Variants in ERVV-2 observed in about 807,000 individuals in gnomAD.
ERVV-2 encodes endogenous retrovirus group V member 2, envelope.
For synonymous variants in ERVV-2, 105 were observed against 184.6 expected, an observed-to-expected ratio of 0.57 and a Z score of 3.49; for missense variants, 291 against 495.1, an observed-to-expected ratio of 0.59 and a Z score of 3.91.
chr19:53,048,214 A>G (rs979569408), intron 1 of ERVV-2, among the ~76,000 whole-genome samples: 4 of 152,068 alleles, frequency 2.6e-5, no homozygotes, highest in Admixed American at 1.3e-4. Flanking sequence ...TCTACTAAAA[A>G]TACAAAAAAA....
chr19:53,046,254 CTCTG>C (rs1467846870), intron 1 of ERVV-2, among the ~76,000 whole-genome samples: 1 of 151,712 alleles, frequency 6.6e-6, no homozygotes, highest in Non-Finnish European at 1.5e-5. Flanking sequence ...AAGAGCGAAA[CTCTG>C]TCTGAAAAAA....
At chr19:53,046,474 C>T (rs1042308656) in intron 1 of ERVV-2, among the ~76,000 whole-genome samples, 3 of 152,114 alleles carry the variant, frequency 2.0e-5, no homozygotes, top group Admixed American at 6.6e-5. Context: ...CCTCATTAGG[C>T]CATTGTAACA....
chr19:53,045,315 G>GCA (rs1568462728), intron 1 of ERVV-2, among the ~76,000 whole-genome samples: 2 of 126,830 alleles, frequency 1.6e-5, no homozygotes, highest in Admixed American at 8.3e-5. Context: ...TTTTTTTGTG[G>GCA]GGGGGAGGAC....
intron 1 of ERVV-2, among the ~76,000 whole-genome samples, chr19:53,047,135 G>A (rs1358626092): frequency 6.6e-6 from 1 of 151,462 alleles, no homozygotes; most frequent in African/African-American, 2.4e-5. Context: ...CTCCAGCCTG[G>A]GTGACAAAGT....
intron 1 of ERVV-2, among the ~76,000 whole-genome samples, chr19:53,048,231 G>A (rs1278594423): frequency 1.4e-4 from 21 of 151,952 alleles, no homozygotes; most frequent in Admixed American, 1.3e-4. Context: ...AAAATTAGCC[G>A]GGCATGGTGG....
intron 1 of ERVV-2, among the ~76,000 whole-genome samples, chr19:53,046,437 A>G (rs1600774616): frequency 6.6e-6 from 1 of 152,098 alleles, no homozygotes; most frequent in Non-Finnish European, 1.5e-5. Flanking sequence ...AGGGTTTCCA[A>G]TGGGCCACAG....
chr19:53,047,174 C>T lies in ERVV-2; in HGVS notation c.-385-1693C>T, dbSNP rs138980832. On this transcript the variant is annotated intron_variant, in intron 1 of 1. Coordinates refer to ENST00000601417, the MANE Select transcript of ERVV-2 (RefSeq NM_001191055.2). The stretch of plus-strand genomic sequence containing the variant: ...ACTCCATGTCAAAAAAAAAAAGAAA[C>T]CCCGTCTCTACTAAAAATACAAAAA... 4.2e-4 allele frequency among the ~76,000 whole-genome samples: 63 copies of T among 148,866 alleles called. 1 individual carries two copies. The highest frequency in any genetic ancestry group is 1.5e-3 in the African/African-American group (61 of 40,500).
In ERVV-2 at chr19:53,050,538, G is replaced by A; in HGVS notation, c.1287G>A (p.Trp429Ter). 1.3e-6 allele frequency: 1 copy of A among 746,414 alleles called. No individual in the cohort carries two copies. Among genetic ancestry groups the A allele is most frequent in the Non-Finnish European group, 2.4e-6 (1 of 424,812 alleles). The allele number at this position is 746,414 out of a possible 1,614,324, so 46.2% of individuals were successfully genotyped here. The change falls in exon 2 of 2, where the codon TGG becomes TGA. Residue 429 changes from tryptophan (W) to a stop codon, truncating the protein, a stop_gained. Coordinates refer to ENST00000601417, the MANE Select transcript of ERVV-2 (RefSeq NM_001191055.2). LOFTEE classifies it low-confidence loss of function (END_TRUNC). ...DIKKIYDEATWLHDFGKGGAS... is the reference protein window; with the variant it reads ...DIKKIYDEAT ...AAAAGATCTATGATGAGGCTACGTGGCTCCATGACTTTGGAAAAGGAGGTG... is the reference window on the plus strand; with the variant it reads ...AAAAGATCTATGATGAGGCTACGTGACTCCATGACTTTGGAAAAGGAGGTG...
chr19:53,048,121 C>A (rs2083897685), intron 1 of ERVV-2, among the ~76,000 whole-genome samples: 1 of 152,148 alleles, frequency 6.6e-6, no homozygotes, highest in Non-Finnish European at 1.5e-5. Context: ...GTGGGCTGAT[C>A]ACCTGTCAGG....
chr19:53,051,007 G>A lies in ERVV-2; in HGVS notation c.*148G>A. On this transcript the variant is annotated 3_prime_UTR_variant, in exon 2 of 2. Coordinates refer to ENST00000601417, the MANE Select transcript of ERVV-2 (RefSeq NM_001191055.2). ...AAATATTAGGGTAGGCAGGTAGGCA[G>A]GCATGAGCAGGCAAGAGAGCCCTTG... 1.6e-6 allele frequency: 1 copy of A among 644,734 alleles called. No individual in the cohort carries two copies. Among genetic ancestry groups the A allele is most frequent in the African/African-American group, 2.0e-5 (1 of 49,304 alleles). The allele number at this position is 644,734 out of a possible 1,614,324, so 39.9% of individuals were successfully genotyped here.
In ERVV-2 at chr19:53,049,336, G is replaced by C. The variant is rs1045504141; in HGVS notation, c.85G>C (p.Val29Leu). The C allele has an allele frequency of 2.9e-5, 30 of 1,030,160 alleles. No individual in the cohort carries two copies. In the African/African-American group the frequency reaches 5.9e-4, roughly 20 times the overall value. 63.8% of individuals were successfully genotyped at this position (1,030,160 alleles called of 1,614,324 possible). A position where few individuals can be genotyped will look rare whatever the true frequency, so the allele number is the denominator to read the frequency against. Residue 29 changes from valine to leucine, a missense_variant, in exon 2 of 2, where the codon GTC (valine) becomes CTC (leucine). Val to Leu is a conservative substitution (Grantham distance 32). Transcript: ENST00000601417. ...GGCACAGTGGAATGAAAATTCCCTT[G>C]TCAGTTTTTCCAAAATAATTGCTTC... ...SQAQWNENSL[V>L]SFSKIIASGN...
rs1373389055 is a variant in ERVV-2, at chr19:53,050,422, C to G, written c.1171C>G (p.Leu391Val). ...VMDNRLALDYLLAEQGGVCAV... is the reference protein window; with the variant it reads ...VMDNRLALDYVLAEQGGVCAV... Reference sequence around the variant, plus strand: ...GGACAACAGATTGGCCTTAGATTACCTCTTAGCAGAGCAGGGTGGAGTCTG... The same window carrying G: ...GGACAACAGATTGGCCTTAGATTACGTCTTAGCAGAGCAGGGTGGAGTCTG... Residue 391 changes from leucine to valine, a missense_variant, in exon 2 of 2, where the codon CTC (leucine) becomes GTC (valine). Transcript: ENST00000601417. 1.3e-6 allele frequency: 1 copy of G among 745,024 alleles called. No individual in the cohort carries two copies. The allele number at this position is 745,024 out of a possible 1,614,324, so 46.2% of individuals were successfully genotyped here.
At position 53,051,582 on chromosome 19, in the gene ERVV-2, T is replaced by C. The variant is rs967693595; in HGVS notation, c.*723T>C. Among the ~76,000 whole-genome samples the C allele has an allele frequency of 5.3e-5, 8 of 152,162 alleles. No individual in the cohort carries two copies. The highest frequency in any genetic ancestry group is 1.2e-4 in the Non-Finnish European group (8 of 68,030). On this transcript the variant is annotated 3_prime_UTR_variant, in exon 2 of 2. Coordinates refer to ENST00000601417, the MANE Select transcript of ERVV-2 (RefSeq NM_001191055.2). Reference sequence around the variant, plus strand: ...GTTCTGTCTTTCTGGGTGTACTGTTTTGATGACTTTAAAAGCTCCCATAAA... The same window carrying C: ...GTTCTGTCTTTCTGGGTGTACTGTTCTGATGACTTTAAAAGCTCCCATAAA...
chr19:53,045,821 G>A (rs772694142), intron 1 of ERVV-2, among the ~76,000 whole-genome samples: 2 of 152,078 alleles, frequency 1.3e-5, no homozygotes, highest in Non-Finnish European at 1.5e-5. Context: ...GACCTGCTGC[G>A]TTTGCTTCAC....
chr19:53,048,675 CAAAAAAAAA>C (rs34725225), intron 1 of ERVV-2, among the ~76,000 whole-genome samples, 183 bp from the exon 2 acceptor site: 2 of 92,218 alleles, frequency 2.2e-5, no homozygotes, highest in Admixed American at 1.2e-4. Context: ...AATTCCATCT[CAAAAAAAAA>C]AAAAAAAAAA....
chr19:53,051,135 GCT>G lies in ERVV-2; in HGVS notation c.*277_*278del. On this transcript the variant is annotated 3_prime_UTR_variant, in exon 2 of 2. Coordinates refer to ENST00000601417, the MANE Select transcript of ERVV-2 (RefSeq NM_001191055.2). The stretch of plus-strand genomic sequence containing the variant: ...ATAACCCATCCTAGAACAGCCTTTT[GCT>G]TTTTTTTTTTTTTTTTTTTTTTTTT... 1 of 122,004 alleles carries G rather than the reference GCT, an allele frequency of 8.2e-6. No homozygotes were observed. The allele number at this position is 122,004 out of a possible 1,614,324, so 7.6% of individuals were successfully genotyped here. A position where few individuals can be genotyped will look rare whatever the true frequency, so the allele number is the denominator to read the frequency against.
rs550799060 is a variant in ERVV-2, at chr19:53,050,935, C to T, written c.*76C>T. ...GGAAGTAGTTACAGAAGACCCACGA[C>T]GTCCTTACAACCAGAGCTTTTCAGG... On this transcript the variant is annotated 3_prime_UTR_variant, in exon 2 of 2. Transcript: ENST00000601417. The T allele has an allele frequency of 2.1e-5, 29 of 1,350,564 alleles. No homozygotes were observed. The highest frequency in any genetic ancestry group is 2.5e-5 in the Non-Finnish European group (26 of 1,019,648). 83.7% of individuals were successfully genotyped at this position (1,350,564 alleles called of 1,614,324 possible).
chr19:53,045,580 C>T (rs775464377), intron 1 of ERVV-2, among the ~76,000 whole-genome samples: 2 of 152,074 alleles, frequency 1.3e-5, no homozygotes, highest in African/African-American at 4.8e-5. Context: ...GGATTACGGG[C>T]GTGAGCCACT....
chr19:53,050,909 A>G lies in ERVV-2; in HGVS notation c.*50A>G, dbSNP rs2083910922. ...GATGACTTCTTCGCCCCATGTCAGC[A>G]GGAAGTAGTTACAGAAGACCCACGA... On this transcript the variant is annotated 3_prime_UTR_variant, in exon 2 of 2. Coordinates refer to ENST00000601417, the MANE Select transcript of ERVV-2 (RefSeq NM_001191055.2). The G allele has an allele frequency of 1.4e-6, 2 of 1,450,164 alleles. No individual in the cohort carries two copies. Among genetic ancestry groups the G allele is most frequent in the African/African-American group, 2.9e-5 (2 of 69,946 alleles). 89.8% of individuals were successfully genotyped at this position (1,450,164 alleles called of 1,614,324 possible).
Sources: gnomAD v4.1 joint callset for allele counts (sites outside exome capture counted in the v4.1 genomes callset) on GRCh38, gnomAD v4.1.1 for gene constraint, MANE v1.5 for transcripts, NCBI Gene and HGNC (gene_info 2026-07-23, HGNC 2026-07-21) for gene names.